Variants in TRRAP observed in about 807,000 individuals in gnomAD.
TRRAP encodes the protein transformation/transcription domain associated protein, also known as transformation/transcription domain-associated protein.
A neutral mutation model predicts 438.8 loss-of-function variants in TRRAP; 41 were observed. The ratio of observed to expected loss-of-function variants is 0.09; its 90% CI spans 0.07 to 0.12. The LOEUF is 0.12. TRRAP is among the 10% of genes least tolerant of loss of function. The probability of loss-of-function intolerance (pLI) is 1.00; values close to 1 mark genes in which losing one functional copy is unlikely to be tolerated. For synonymous variants in TRRAP, 1,994 were observed against 1,962.9 expected, an observed-to-expected ratio of 1.02 and a Z score of -0.42; for missense variants, 3,122 against 5,055.1, an observed-to-expected ratio of 0.62 and a Z score of 11.60.
rs1796372986 is a variant in TRRAP at position 98,899,445 on chromosome 7, A to T, written c.657A>T (p.Ser219=). Residue 219 remains serine, a synonymous_variant, in exon 9 of 73, where the codon TCA becomes TCT. Transcript: ENST00000456197. ...AGCATTCCATCATTCCGAGGGGATC[A>T]CTTTCTCTGAAAGTGTTGGCAGAAT... ...TRTHSIIPRG[S]LSLKVLAELP... 1 of 1,614,048 alleles carries T rather than the reference A, an allele frequency of 6.2e-7. No homozygotes were observed. The highest frequency in any genetic ancestry group is 1.1e-5 in the South Asian group (1 of 91,086).
intron 17 of TRRAP, 33 bp downstream of exon 17, chr7:98,911,304 A>G (rs1554408679): frequency 5.2e-6 from 8 of 1,536,772 alleles, no homozygotes; most frequent in South Asian, 4.9e-5. Context: ...TTGTTTGAAC[A>G]TTACAATTCT....
chr7:98,913,021 C>T (rs1169382317), intron 18 of TRRAP, among the ~76,000 whole-genome samples: 1 of 152,110 alleles, frequency 6.6e-6, no homozygotes, highest in African/African-American at 2.4e-5. Flanking sequence ...TCTTAAGTTC[C>T]TATTGCAACA....
Position 98,881,137 on chromosome 7 carries a change from A to G in TRRAP, c.-14A>G. ...ATACTTTTCTCTTGAGAAGCAAACC[A>G]GCCCAAAAGAAAAATGGCGTTTGTT... is the stretch of plus-strand genomic sequence containing the variant. On this transcript the variant is annotated 5_prime_UTR_variant, in exon 2 of 73. Transcript: ENST00000456197. 3 of 1,600,400 alleles carry G rather than the reference A, an allele frequency of 1.9e-6. No individual in the cohort carries two copies. Among genetic ancestry groups the G allele is most frequent in the Non-Finnish European group, 2.6e-6 (3 of 1,172,644 alleles).
chr7:98,961,383 T>G lies in TRRAP; in HGVS notation c.6612T>G (p.Ile2204Met). 6.2e-7 allele frequency: 1 copy of G among 1,614,210 alleles called. No individual in the cohort carries two copies. Reference protein sequence around the residue: ...LSSFKPLQRGIAACMTCGNTK... With the variant: ...LSSFKPLQRGMAACMTCGNTK... ...GCTTCAAACCTCTGCAGCGTGGAAT[T>G]GCCGCCTGCATGACATGTGGAAACA... is the stretch of plus-strand genomic sequence containing the variant. The change falls in exon 46 of 73, where the codon ATT becomes ATG. Residue 2204 changes from isoleucine to methionine, a missense_variant. Around this residue, in one of 24 missense-constraint regions of TRRAP, gnomAD observed 992 missense variants for 1,281.2 expected, o/e 0.77. Transcript: ENST00000456197.
At chr7:98,940,028 T>G (rs782199419) in intron 30 of TRRAP, among the ~76,000 whole-genome samples, 3 of 150,346 alleles carry the variant, frequency 2.0e-5, no homozygotes, top group Non-Finnish European at 4.4e-5. Flanking sequence ...ATTACAGGTG[T>G]CTGCCACCAC....
At chr7:99,007,156 G>A (rs1794206109) in intron 69 of TRRAP, among the ~76,000 whole-genome samples, 1 of 152,230 alleles carries the variant, frequency 6.6e-6, no homozygotes, top group African/African-American at 2.4e-5. Context: ...CTTTCCTTAT[G>A]TGGACAGAAC....
At chr7:98,936,916 G>A (rs1554414381) in intron 28 of TRRAP, among the ~76,000 whole-genome samples, 1 of 152,220 alleles carries the variant, frequency 6.6e-6, no homozygotes, top group East Asian at 1.9e-4. Context: ...ATTTTTTGCT[G>A]GTTGGTAGGA....
At chr7:98,998,359 A>T (rs536127375) in intron 67 of TRRAP, among the ~76,000 whole-genome samples, 39 of 152,136 alleles carry the variant, frequency 2.6e-4, no homozygotes, top group African/African-American at 9.2e-4. Context: ...AACTTACATT[A>T]AAAAAAAGTA....
chr7:98,951,059 C>CTGTGTGTGTGTGTGTGTGTGTGTGTG, intron 39 of TRRAP, 55 bp downstream of exon 39: 2 of 969,360 alleles, frequency 2.1e-6, no homozygotes, highest in Middle Eastern at 3.7e-4. Context: ...GGATGAACAT[C>CTGTGTGTGTGTGTGTGTGTGTGTGTG]TGTGTGTGTG....
At chr7:98,897,986 G>T in intron 8 of TRRAP, 120 bp downstream of exon 8, 1 of 1,488,150 alleles carries the variant, frequency 6.7e-7, no homozygotes, top group Non-Finnish European at 9.2e-7. Flanking sequence ...TGTGTGCCTG[G>T]CAAAGCATCA....
At chr7:98,885,745 C>A (rs1795667920) in intron 3 of TRRAP, among the ~76,000 whole-genome samples, 1 of 152,046 alleles carries the variant, frequency 6.6e-6, no homozygotes, top group Admixed American at 6.6e-5. Flanking sequence ...AAGAACTGAT[C>A]TGAGAGAACC....
rs760969580 is a variant in TRRAP, at chr7:98,956,138, G to A, written c.5938-8G>A. ...TGTTCCGGCGTGATGCTGGCCCTGC[G>A]TCCGCAGGTGTACTACCCGGTACGG... On this transcript the variant is annotated splice_polypyrimidine_tract_variant and splice_region_variant and intron_variant, in intron 41 of 72. Transcript: ENST00000456197. This position sits in a 1 kb window ranked among gnomAD's most constrained non-coding sequence, Gnocchi z 4.5. The A allele has an allele frequency of 8.0e-5, 129 of 1,607,888 alleles. No homozygotes were observed. Among genetic ancestry groups the A allele is most frequent in the Middle Eastern group, 2.2e-4 (1 of 4,518 alleles).
At chr7:98,999,789 C>T in intron 67 of TRRAP, 1 of 550,842 alleles carries the variant, frequency 1.8e-6, no homozygotes, top group South Asian at 2.6e-5. Flanking sequence ...TCACAAATAA[C>T]TTGAAGTTCT....
At chr7:99,002,105 G>A (rs1793948319) in intron 67 of TRRAP, among the ~76,000 whole-genome samples, 1 of 148,748 alleles carries the variant, frequency 6.7e-6, no homozygotes, top group East Asian at 2.0e-4. Context: ...CCAGGTGTTC[G>A]GGATGCAGGG....
chr7:98,947,728 T>G (rs1791150675), intron 33 of TRRAP, among the ~76,000 whole-genome samples: 1 of 152,184 alleles, frequency 6.6e-6, no homozygotes, highest in South Asian at 2.1e-4. Flanking sequence ...AGTGCTGGGA[T>G]TACAGGCATG....
At position 99,010,423 on chromosome 7, in the gene TRRAP, G is replaced by A. The variant is rs76612811; in HGVS notation, c.10939-629G>A. Among the ~76,000 whole-genome samples, 470 of 152,274 alleles carry A rather than the reference G, an allele frequency of 3.1e-3. 2 individuals carry two copies. The highest frequency in any genetic ancestry group is 0.011 in the African/African-American group (450 of 41,544). ...GCCGGTGGCCTCCCTTGTTCTTGCC[G>A]GCAGAAGGGCCTGCTTTCTCACAGC... On this transcript the variant is annotated intron_variant, in intron 70 of 72. Transcript: ENST00000456197.
At chr7:98,992,746 C>T (rs1011167183) in intron 65 of TRRAP, among the ~76,000 whole-genome samples, 1 of 152,158 alleles carries the variant, frequency 6.6e-6, no homozygotes, top group African/African-American at 2.4e-5. Context: ...TTCAGTTACC[C>T]ACTAGGCAGG....
chr7:98,974,098 A>AG (rs1212269361), intron 53 of TRRAP, among the ~76,000 whole-genome samples: 1 of 152,160 alleles, frequency 6.6e-6, no homozygotes, highest in African/African-American at 2.4e-5. Context: ...TGTTCTAGTG[A>AG]GGGGAAATAA....
chr7:98,920,422 A>T (rs1411702967), intron 20 of TRRAP, among the ~76,000 whole-genome samples: 1 of 151,540 alleles, frequency 6.6e-6, no homozygotes, highest in Admixed American at 6.6e-5. Context: ...GTGAGCCGAG[A>T]TTGCACCACT....
Sources: gnomAD v4.1 joint callset for allele counts (sites outside exome capture counted in the v4.1 genomes callset) on GRCh38, gnomAD v4.1.1 for gene constraint, gnomAD v4.1.1 regional missense constraint, Gnocchi (gnomAD v3.1) non-coding constraint, MANE v1.5 for transcripts, NCBI Gene and HGNC (gene_info 2026-07-23, HGNC 2026-07-21) for gene names.